ZFAND3: variants seen among roughly 807,000 people sequenced by gnomAD.
ZFAND3 encodes the protein zinc finger AN1-type containing 3, also known as AN1-type zinc finger protein 3.
In ZFAND3, 10 loss-of-function variants were observed where a neutral mutation model predicts 29.6. The observed-to-expected ratio is 0.34, with a 90% CI of 0.21 to 0.57. ZFAND3 has a LOEUF of 0.57. Ranked by LOEUF, ZFAND3 falls within the 20% of genes least tolerant of loss-of-function variation. ZFAND3 has a pLI of 0.86. For synonymous variants in ZFAND3, 128 were observed against 112.6 expected, an observed-to-expected ratio of 1.14 and a Z score of -0.87; for missense variants, 230 against 304.5, an observed-to-expected ratio of 0.76 and a Z score of 1.82.
intron 2 of ZFAND3, among the ~76,000 whole-genome samples, chr6:37,988,451 A>T (rs1419249895): frequency 6.6e-6 from 1 of 152,146 alleles, no homozygotes; most frequent in Non-Finnish European, 1.5e-5. Flanking sequence ...TGCTCTAAAA[A>T]TTTTTATTTT....
intron 1 of ZFAND3, among the ~76,000 whole-genome samples, chr6:37,855,832 T>C (rs1764371783): frequency 6.6e-6 from 1 of 152,176 alleles, no homozygotes; most frequent in South Asian, 2.1e-4. Flanking sequence ...AGGAAGAATT[T>C]TCTTTCTGCA....
At chr6:38,099,742 G>A (rs564810147) in intron 4 of ZFAND3, among the ~76,000 whole-genome samples, 1 of 152,290 alleles carries the variant, frequency 6.6e-6, no homozygotes, top group Admixed American at 6.5e-5. Context: ...TTTTTACCTT[G>A]AATATGGGTC....
chr6:37,893,181 C>A lies in ZFAND3; in HGVS notation c.72-36778C>A, dbSNP rs4714110. On this transcript the variant is annotated intron_variant, in intron 1 of 5. Transcript: ENST00000287218. ...CAATATCTCTTATGAATATGTATGCCAAAATCCTTAACAAAATGCTAGTAA... is the reference window on the plus strand; with the variant it reads ...CAATATCTCTTATGAATATGTATGCAAAAATCCTTAACAAAATGCTAGTAA... Among the ~76,000 whole-genome samples the A allele has an allele frequency of 6.4e-3, 973 of 152,156 alleles. 48 individuals carry two copies. Among genetic ancestry groups the A allele is most frequent in the Admixed American group, 0.06 (914 of 15,292 alleles).
chr6:37,820,131 C>T (rs916168345), intron 1 of ZFAND3, 115 bp downstream of exon 1: 7 of 203,394 alleles, frequency 3.4e-5, no homozygotes, highest in Admixed American at 1.8e-4. Context: ...GGGCCCAGCC[C>T]GGGCCTACGG....
chr6:37,911,783 G>T (rs1765525619), intron 1 of ZFAND3, among the ~76,000 whole-genome samples: 1 of 152,170 alleles, frequency 6.6e-6, no homozygotes, highest in African/African-American at 2.4e-5. Flanking sequence ...CAACAGGTGG[G>T]AGTGGAGATG....
intron 1 of ZFAND3, among the ~76,000 whole-genome samples, chr6:37,846,785 C>T (rs935059280): frequency 1.3e-5 from 2 of 150,698 alleles, no homozygotes; most frequent in Admixed American, 1.3e-4. Context: ...GATCTCGGCT[C>T]ACTGCAACCT....
chr6:38,035,513 A>C (rs375964038), intron 2 of ZFAND3, among the ~76,000 whole-genome samples: 1 of 152,310 alleles, frequency 6.6e-6, no homozygotes, highest in African/African-American at 2.4e-5. Context: ...TTAGGTACCC[A>C]TGTTCTGAGT....
intron 5 of ZFAND3, among the ~76,000 whole-genome samples, chr6:38,121,122 G>T (rs1325995354): frequency 6.6e-6 from 1 of 152,252 alleles, no homozygotes; most frequent in East Asian, 1.9e-4. Context: ...AGGAGGCCAA[G>T]GTGGGGGAAT....
intron 1 of ZFAND3, among the ~76,000 whole-genome samples, chr6:37,924,015 T>C (rs1761435737): frequency 6.6e-6 from 1 of 152,188 alleles, no homozygotes; most frequent in Admixed American, 6.5e-5. Flanking sequence ...TCAAGGGGTA[T>C]GTATTTTCAA....
chr6:37,826,372 A>G (rs1316108171), intron 1 of ZFAND3, among the ~76,000 whole-genome samples: 1 of 152,216 alleles, frequency 6.6e-6, no homozygotes, highest in East Asian at 1.9e-4. Context: ...GTCCCTGTGT[A>G]ACAAGATTAC....
At chr6:38,135,775 G>A (rs954589802) in intron 5 of ZFAND3, among the ~76,000 whole-genome samples, 6 of 151,790 alleles carry the variant, frequency 4.0e-5, no homozygotes, top group African/African-American at 1.2e-4. Flanking sequence ...AAAAAAACAC[G>A]TTTCCGGTGA....
intron 3 of ZFAND3, chr6:38,062,469 ACCTC>A (rs924211071): frequency 1.3e-5 from 2 of 150,614 alleles, no homozygotes; most frequent in African/African-American, 4.9e-5. Flanking sequence ...TGCAACCTCT[ACCTC>A]CTGGGTTCAA....
intron 2 of ZFAND3, among the ~76,000 whole-genome samples, chr6:37,974,560 A>G (rs546437960): frequency 6.6e-6 from 1 of 151,926 alleles, no homozygotes; most frequent in Non-Finnish European, 1.5e-5. Flanking sequence ...GTGCGCTCCA[A>G]CACCTGGATA....
intron 2 of ZFAND3, among the ~76,000 whole-genome samples, chr6:37,989,042 G>T (rs572064315): frequency 6.6e-6 from 1 of 152,080 alleles, no homozygotes; most frequent in Non-Finnish European, 1.5e-5. Flanking sequence ...TAGTAGCTGG[G>T]ATTACAGGCA....
chr6:38,074,114 G>A (rs560608800), intron 3 of ZFAND3, among the ~76,000 whole-genome samples: 10 of 152,252 alleles, frequency 6.6e-5, no homozygotes, highest in African/African-American at 2.2e-4. Context: ...GTTCTCAAAT[G>A]TGGTCCAAAG....
intron 1 of ZFAND3, among the ~76,000 whole-genome samples, chr6:37,825,605 T>G (rs2127365019): frequency 6.6e-6 from 1 of 152,276 alleles, no homozygotes; most frequent in East Asian, 1.9e-4. Context: ...AGTTAGCATA[T>G]GGCTCTTTTG....
chr6:38,125,992 A>G (rs1336280281), intron 5 of ZFAND3, among the ~76,000 whole-genome samples: 1 of 152,176 alleles, frequency 6.6e-6, no homozygotes, highest in Non-Finnish European at 1.5e-5. Context: ...AATGAGTTTT[A>G]GTAGATTTGT....
At chr6:37,909,515 G>T (rs555571120) in intron 1 of ZFAND3, among the ~76,000 whole-genome samples, 3 of 151,804 alleles carry the variant, frequency 2.0e-5, no homozygotes, top group African/African-American at 7.2e-5. Context: ...CCTTACCTCA[G>T]GTGATCCACC....
chr6:37,939,797 T>C (rs1231020228), intron 2 of ZFAND3, among the ~76,000 whole-genome samples: 1 of 152,128 alleles, frequency 6.6e-6, no homozygotes, highest in Non-Finnish European at 1.5e-5. Context: ...ATCCCAACAC[T>C]TCGGGAGGCT....
Sources: gnomAD v4.1 joint callset for allele counts (sites outside exome capture counted in the v4.1 genomes callset) on GRCh38, gnomAD v4.1.1 for gene constraint, MANE v1.5 for transcripts, NCBI Gene and HGNC (gene_info 2026-07-23, HGNC 2026-07-21) for gene names.